The following PEX5L variants were observed in gnomAD, a reference collection of about 807,000 sequenced individuals.
The protein encoded by PEX5L is PEX5-related protein.
In PEX5L, 30 loss-of-function variants were observed where a neutral mutation model predicts 84.0. That is an observed-to-expected ratio of 0.36 (90% CI 0.27 to 0.48). The LOEUF is 0.48. Among genes scored for constraint, PEX5L ranks in the 20% least tolerant of loss-of-function variants. The pLI is 0.99. For missense variants in PEX5L, 533 were observed against 754.6 expected, an observed-to-expected ratio of 0.71 and a Z score of 3.44; for synonymous variants, 270 against 283.1, an observed-to-expected ratio of 0.95 and a Z score of 0.46.
intron 3 of PEX5L, among the ~76,000 whole-genome samples, chr3:179,888,480 A>C (rs910391033): frequency 2.0e-5 from 3 of 152,126 alleles, no homozygotes; most frequent in African/African-American, 7.2e-5. Flanking sequence ...AATTTCAGCA[A>C]TCTTTCAGTT....
At position 180,024,360 on chromosome 3, in the gene PEX5L, ATATATAT is replaced by A. The variant is rs1389157959; in HGVS notation, c.21+12212_21+12218del. 5.8e-5 allele frequency among the ~76,000 whole-genome samples: 7 copies of A among 121,092 alleles called. 1 individual carries two copies. The highest frequency in any genetic ancestry group is 2.9e-4 in the African/African-American group (7 of 24,366). The allele number at this position is 121,092 out of a possible 152,430, so 79.4% of individuals were successfully genotyped here. ...CCGTCCCTACTAAATATATATATAT[ATATATAT>A]ATATATACACACACAAAAAAAAAAA... On this transcript the variant is annotated intron_variant, in intron 1 of 14. Transcript: ENST00000467460.
rs911875726 is a variant in PEX5L at position 179,953,789 on chromosome 3, G to A, written c.93+17805C>T. 2.6e-5 allele frequency among the ~76,000 whole-genome samples: 4 copies of A among 152,226 alleles called. No homozygotes were observed. In the East Asian group the frequency reaches 5.8e-4, roughly 22 times the overall value. On this transcript the variant is annotated intron_variant, in intron 2 of 14. Transcript: ENST00000467460. ...CAAAAGCAAAGGTGCAAACAGCCTC[G>A]CCGATGGATGAAATAGGAGGCTCAA... is the stretch of plus-strand genomic sequence containing the variant.
At chr3:179,974,601 A>G (rs763252257) in intron 1 of PEX5L, among the ~76,000 whole-genome samples, 2 of 152,182 alleles carry the variant, frequency 1.3e-5, no homozygotes, top group Non-Finnish European at 2.9e-5. Context: ...CAACTTCTGA[A>G]ACCCCAAACA....
At chr3:179,814,266 T>A (rs1725181601) in intron 10 of PEX5L, among the ~76,000 whole-genome samples, 1 of 152,180 alleles carries the variant, frequency 6.6e-6, no homozygotes. Context: ...CAACCAATAA[T>A]AAAAATGAAG....
chr3:180,001,964 G>A (rs1265193517), intron 1 of PEX5L, among the ~76,000 whole-genome samples: 1 of 152,060 alleles, frequency 6.6e-6, no homozygotes, highest in Non-Finnish European at 1.5e-5. Flanking sequence ...TGGGGTTGTC[G>A]TTATTTTACA....
chr3:179,952,305 GAGAA>G (rs1779300378), intron 2 of PEX5L, among the ~76,000 whole-genome samples: 1 of 152,066 alleles, frequency 6.6e-6, no homozygotes, highest in Non-Finnish European at 1.5e-5. Context: ...TTCAAATGTC[GAGAA>G]AGAAATATTT....
intron 2 of PEX5L, among the ~76,000 whole-genome samples, chr3:179,958,082 T>C (rs1301739566): frequency 6.6e-6 from 1 of 151,948 alleles, no homozygotes; most frequent in Non-Finnish European, 1.5e-5. Context: ...TCAAGAATAC[T>C]TTTTTTTGGG....
At chr3:179,992,048 T>C (rs1431751216) in intron 1 of PEX5L, among the ~76,000 whole-genome samples, 1 of 152,196 alleles carries the variant, frequency 6.6e-6, no homozygotes, top group Non-Finnish European at 1.5e-5. Context: ...TCCTGAGCCC[T>C]ACTTATGTGT....
chr3:179,919,981 G>T (rs962270491), intron 2 of PEX5L, among the ~76,000 whole-genome samples: 2 of 152,182 alleles, frequency 1.3e-5, no homozygotes, highest in Admixed American at 6.5e-5. Context: ...GAGATTACAG[G>T]CATGAGCCAC....
chr3:179,967,105 T>C (rs1034851024), intron 2 of PEX5L, among the ~76,000 whole-genome samples: 1 of 152,192 alleles, frequency 6.6e-6, no homozygotes, highest in Non-Finnish European at 1.5e-5. Flanking sequence ...TGTTGACCAA[T>C]TACGATAATT....
chr3:179,932,785 T>C (rs1380404031), intron 2 of PEX5L, among the ~76,000 whole-genome samples: 1 of 152,232 alleles, frequency 6.6e-6, no homozygotes, highest in African/African-American at 2.4e-5. Flanking sequence ...ATATGATGTT[T>C]TGAAATATGC....
chr3:179,823,303 A>G lies in PEX5L; in HGVS notation c.823-3327T>C, dbSNP rs149655409. 9.6e-4 allele frequency among the ~76,000 whole-genome samples: 146 copies of G among 152,234 alleles called. 3 individuals are homozygous for G. The East Asian group carries it at 0.022, about 23-fold the overall frequency. ...TCAAGGTTAAGAAAATTATGGTAAA[A>G]CCTCTATAATGGACTGTTACGCAGC... On this transcript the variant is annotated intron_variant, in intron 8 of 14. Coordinates refer to ENST00000467460, the MANE Select transcript of PEX5L (RefSeq NM_016559.3).
chr3:179,837,407 T>C (rs1483683755), intron 8 of PEX5L, among the ~76,000 whole-genome samples: 13 of 152,204 alleles, frequency 8.5e-5, no homozygotes, highest in Admixed American at 8.5e-4. Context: ...TTAACTCTCT[T>C]AATTTTTCTT....
At chr3:179,911,268 C>T (rs1212633539) in intron 2 of PEX5L, among the ~76,000 whole-genome samples, 1 of 152,152 alleles carries the variant, frequency 6.6e-6, no homozygotes, top group African/African-American at 2.4e-5. Context: ...GAGGGATACC[C>T]TAGCCCAGTG....
chr3:179,973,120 C>T (rs775483205), intron 1 of PEX5L: 15 of 1,196,196 alleles, frequency 1.3e-5, no homozygotes, highest in Non-Finnish European at 1.6e-5. Flanking sequence ...ATGTAAAACA[C>T]TTAGAAGTGC....
At chr3:179,957,013 T>C (rs60635140) in intron 2 of PEX5L, among the ~76,000 whole-genome samples, 94 of 152,160 alleles carry the variant, frequency 6.2e-4, no homozygotes, top group African/African-American at 1.7e-3. Context: ...TGGAAAAAAA[T>C]TGCCTAAGGA....
intron 4 of PEX5L, among the ~76,000 whole-genome samples, chr3:179,885,701 A>T (rs1755636551): frequency 6.6e-6 from 1 of 152,040 alleles, no homozygotes; most frequent in South Asian, 2.1e-4. Flanking sequence ...AGACATGCAC[A>T]CTGGGAAGCA....
Position 180,036,913 on chromosome 3 carries a change from T to C in PEX5L, c.-314A>G. 2.4e-6 allele frequency: 1 copy of C among 410,340 alleles called. No homozygotes were observed. The highest frequency in any genetic ancestry group is 4.6e-6 in the Non-Finnish European group (1 of 219,778). The allele number at this position is 410,340 out of a possible 1,614,324, so 25.4% of individuals were successfully genotyped here. Reference sequence around the variant, plus strand: ...GGGCGTCTCTAGAACTCACTCCTTCTTCGCCGAACTCTTTCTCGCTTCCTG... The same window carrying C: ...GGGCGTCTCTAGAACTCACTCCTTCCTCGCCGAACTCTTTCTCGCTTCCTG... On this transcript the variant is annotated 5_prime_UTR_variant, in exon 1 of 15. Coordinates refer to ENST00000467460, the MANE Select transcript of PEX5L (RefSeq NM_016559.3).
At chr3:179,916,058 T>C (rs1471985869) in intron 2 of PEX5L, among the ~76,000 whole-genome samples, 1 of 152,202 alleles carries the variant, frequency 6.6e-6, no homozygotes, top group Non-Finnish European at 1.5e-5. Flanking sequence ...GCAGTAGTAG[T>C]AATGGTAGTA....
Sources: allele counts gnomAD v4.1 joint callset (sites outside exome capture counted in the v4.1 genomes callset), GRCh38; gene constraint gnomAD v4.1.1; transcripts MANE v1.5; gene names NCBI Gene and HGNC (gene_info 2026-07-23, HGNC 2026-07-21).